Variants in AKNA observed in about 807,000 individuals in gnomAD.
AKNA encodes microtubule organization protein AKNA.
In AKNA, 67 loss-of-function variants were observed where a neutral mutation model predicts 138.8. The ratio of observed to expected loss-of-function variants is 0.48; its 90% CI spans 0.40 to 0.59. The LOEUF (loss-of-function observed/expected upper bound fraction) is 0.59. Among genes scored for constraint, AKNA ranks in the 20% least tolerant of loss-of-function variants. AKNA has a pLI of 0.00. For missense variants in AKNA, 1,813 were observed against 1,880.4 expected (o/e 0.96, Z 0.66); for synonymous variants, 737 against 754.4 (o/e 0.98, Z 0.38).
chr9:114,337,516 G>A (rs1190569201), intron 21 of AKNA, among the ~76,000 whole-genome samples: 2 of 152,146 alleles, frequency 1.3e-5, no homozygotes, highest in African/African-American at 4.8e-5. Flanking sequence ...CAACATGAGT[G>A]CCTGACCCAG....
At chr9:114,344,479 C>T (rs1830554060) in intron 18 of AKNA, 1 of 152,864 alleles carries the variant, frequency 6.5e-6, no homozygotes, top group African/African-American at 2.4e-5. Context: ...ATAAGGCCTT[C>T]TGGGTGACAC....
chr9:114,361,822 G>T lies in AKNA; in HGVS notation c.2006C>A (p.Pro669His), dbSNP rs1475255103. 1.2e-6 allele frequency: 2 copies of T among 1,613,358 alleles called. No individual in the cohort carries two copies. The highest frequency in any genetic ancestry group is 1.7e-6 in the Non-Finnish European group (2 of 1,180,006). ...IDQTQQEPEP[P>H]GSDSALDSTP... ...GCTGTCCAGAGCTGAGTCTGACCCG[G>T]GCGGCTCAGGCTCTTGCTGGGTCTG... The change falls in exon 9 of 22, where the codon CCC (proline) becomes CAC (histidine). Residue 669 changes from proline (P) to histidine (H), a missense_variant. Pro to His is a moderately conservative substitution (Grantham distance 77). Coordinates refer to ENST00000374088, the MANE Select transcript of AKNA (RefSeq NM_001317950.2).
At chr9:114,348,698 T>A (rs1466075603) in intron 15 of AKNA, among the ~76,000 whole-genome samples, 1 of 152,154 alleles carries the variant, frequency 6.6e-6, no homozygotes, top group Middle Eastern at 3.2e-3. Flanking sequence ...ATCTTCAGGG[T>A]CTTGTTTTGT....
At chr9:114,347,413 T>G (rs1830760259) in intron 16 of AKNA, among the ~76,000 whole-genome samples, 1 of 152,068 alleles carries the variant, frequency 6.6e-6, no homozygotes, top group Non-Finnish European at 1.5e-5. Context: ...AGAGACAGGG[T>G]TTCACCATGT....
intron 11 of AKNA, chr9:114,359,269 G>A (rs1564632998): frequency 2.7e-6 from 1 of 364,506 alleles, no homozygotes; most frequent in South Asian, 3.2e-5. Flanking sequence ...GGGCTTTGCC[G>A]TTTTGCTCAG....
chr9:114,331,201 G>C (rs1401904347), downstream of AKNA, among the ~76,000 whole-genome samples: 5 of 152,060 alleles, frequency 3.3e-5, no homozygotes, highest in African/African-American at 1.2e-4. Context: ...ATGTTGGAGA[G>C]GTGGTACCTT....
At chr9:114,394,515 C>G (rs982855078), upstream of AKNA, 2 of 152,122 alleles carry the variant, frequency 1.3e-5, no homozygotes, top group Admixed American at 6.6e-5. Flanking sequence ...TGTTTAAACT[C>G]TAATACAATA....
intron 1 of AKNA, among the ~76,000 whole-genome samples, chr9:114,387,510 C>T (rs1834123595): frequency 6.6e-6 from 1 of 152,228 alleles, no homozygotes; most frequent in African/African-American, 2.4e-5. Flanking sequence ...GCCTGCTGCC[C>T]ATGCCTGCAT....
intron 1 of AKNA, among the ~76,000 whole-genome samples, chr9:114,393,234 G>T: frequency 7.0e-6 from 1 of 142,140 alleles, no homozygotes; most frequent in African/African-American, 2.6e-5. Context: ...TTTTTTTTTG[G>T]AGATGGAGTC....
chr9:114,360,565 C>T (rs887827790), intron 9 of AKNA, among the ~76,000 whole-genome samples: 2 of 152,144 alleles, frequency 1.3e-5, no homozygotes, highest in Non-Finnish European at 2.9e-5. Flanking sequence ...TGTAGTGGCA[C>T]CTGGTAGAGT....
chr9:114,360,155 G>C, intron 9 of AKNA, 93 bp from the exon 10 acceptor site: 1 of 1,524,052 alleles, frequency 6.6e-7, no homozygotes. Flanking sequence ...GCTGTGGGCT[G>C]CGGGGTAAGA....
At chr9:114,393,476 C>T (rs905938463) in intron 1 of AKNA, among the ~76,000 whole-genome samples, 4 of 151,692 alleles carry the variant, frequency 2.6e-5, no homozygotes, top group Non-Finnish European at 4.4e-5. Context: ...CCACCCGCCT[C>T]GGCCTCCCAA....
chr9:114,330,916 C>A (rs1829841243), downstream of AKNA: 5 of 1,476,058 alleles, frequency 3.4e-6, no homozygotes, highest in Non-Finnish European at 3.8e-6. Context: ...GGCAGGCCAG[C>A]ATAAGGTGGG....
chr9:114,346,554 G>T, intron 17 of AKNA, 115 bp downstream of exon 17: 1 of 761,234 alleles, frequency 1.3e-6, no homozygotes, highest in Non-Finnish European at 2.1e-6. Flanking sequence ...TAAAACAGAT[G>T]CACAAAAACC....
intron 9 of AKNA, among the ~76,000 whole-genome samples, chr9:114,361,332 A>C (rs1460950379): frequency 6.6e-6 from 1 of 152,068 alleles, no homozygotes; most frequent in African/African-American, 2.4e-5. Context: ...TTTAAACATG[A>C]CTTCTTCAGG....
chr9:114,358,170 G>A lies in AKNA; in HGVS notation c.2493-3C>T, dbSNP rs374540207. On this transcript the variant is annotated splice_region_variant and splice_polypyrimidine_tract_variant and intron_variant, in intron 11 of 21. Coordinates refer to ENST00000374088, the MANE Select transcript of AKNA (RefSeq NM_001317950.2). ...ATACCATCTTCTCCGTGGCCTCCCT[G>A]GCATGGGAAGAGAAGACCATCCTTG... 7 of 1,613,764 alleles carry A rather than the reference G, an allele frequency of 4.3e-6. No individual in the cohort carries two copies. Among genetic ancestry groups the A allele is most frequent in the Middle Eastern group, 1.6e-4 (1 of 6,078 alleles).
chr9:114,346,106 G>A, intron 17 of AKNA, 97 bp from the exon 18 acceptor site: 1 of 1,286,204 alleles, frequency 7.8e-7, no homozygotes, highest in Non-Finnish European at 1.1e-6. Flanking sequence ...TGGGGTGGAT[G>A]CCTGGGTTTT....
downstream of AKNA, chr9:114,332,994 C>T (rs573968009): frequency 2.9e-5 from 46 of 1,597,728 alleles, no homozygotes; most frequent in South Asian, 4.2e-4. Context: ...TCATTCTGCC[C>T]TCTCCCCGGA....
At chr9:114,397,609 T>C (rs73656100), upstream of AKNA, among the ~76,000 whole-genome samples, 4,993 of 152,206 alleles carry the variant, frequency 0.033, 305 homozygotes, top group African/African-American at 0.11. Context: ...GAAAGGAGCT[T>C]TGGAAGTGTC....
Sources: gnomAD v4.1 joint callset for allele counts (sites outside exome capture counted in the v4.1 genomes callset) on GRCh38, gnomAD v4.1.1 for gene constraint, MANE v1.5 for transcripts, NCBI Gene and HGNC (gene_info 2026-07-23, HGNC 2026-07-21) for gene names.